UNC79: variants seen among roughly 807,000 people sequenced by gnomAD.
The protein encoded by UNC79 is protein unc-79 homolog.
In UNC79, 37 loss-of-function variants were observed where a neutral mutation model predicts 283.1. The ratio of observed to expected loss-of-function variants is 0.13; its 90% CI spans 0.10 to 0.17. The LOEUF is 0.17. Among genes scored for constraint, UNC79 ranks in the 10% least tolerant of loss-of-function variants. UNC79 has a pLI of 1.00. For missense variants in UNC79, 2,272 were observed against 3,211.1 expected (o/e 0.71, Z 7.07); for synonymous variants, 1,107 against 1,200.2 (o/e 0.92, Z 1.61).
At chr14:93,510,069 A>T (rs915508928) in intron 7 of UNC79, among the ~76,000 whole-genome samples, 1 of 152,158 alleles carries the variant, frequency 6.6e-6, no homozygotes, top group Non-Finnish European at 1.5e-5. Context: ...GCCACAGAGG[A>T]TTATGGCTTG....
At chr14:93,628,680 A>G (rs1001799819) in intron 30 of UNC79, among the ~76,000 whole-genome samples, 3 of 152,188 alleles carry the variant, frequency 2.0e-5, no homozygotes, top group African/African-American at 7.2e-5. Context: ...ATAGCCTGAC[A>G]TTTTCTTCCC....
upstream of UNC79, among the ~76,000 whole-genome samples, chr14:93,426,350 C>A (rs2140080709): frequency 6.6e-6 from 1 of 151,354 alleles, no homozygotes; most frequent in Admixed American, 6.6e-5. Flanking sequence ...GTTTGTACTT[C>A]TTTTTATATC....
intron 1 of UNC79, among the ~76,000 whole-genome samples, chr14:93,397,913 A>C (rs2055031093): frequency 6.6e-6 from 1 of 152,110 alleles, no homozygotes; most frequent in Non-Finnish European, 1.5e-5. Context: ...AAAAACCCAC[A>C]AAATTTTGTT....
At chr14:93,662,294 C>T (rs1033056687) in intron 39 of UNC79, among the ~76,000 whole-genome samples, 2 of 152,104 alleles carry the variant, frequency 1.3e-5, no homozygotes, top group Non-Finnish European at 2.9e-5. Flanking sequence ...ACTGCAAACC[C>T]CACACTCTTG....
At chr14:93,495,436 A>G (rs1463218119) in intron 5 of UNC79, among the ~76,000 whole-genome samples, 1 of 152,212 alleles carries the variant, frequency 6.6e-6, no homozygotes, top group Non-Finnish European at 1.5e-5. Context: ...ATCACTTCCC[A>G]TTAGGTTTCT....
chr14:93,468,838 A>G (rs2057353454), intron 2 of UNC79, among the ~76,000 whole-genome samples: 1 of 152,112 alleles, frequency 6.6e-6, no homozygotes, highest in Non-Finnish European at 1.5e-5. Flanking sequence ...AGATTCATAC[A>G]TTTCATACTT....
chr14:93,663,423 T>C (rs952812455), intron 40 of UNC79, among the ~76,000 whole-genome samples: 3 of 152,192 alleles, frequency 2.0e-5, no homozygotes, highest in Non-Finnish European at 4.4e-5. Flanking sequence ...ACCCTTTCAA[T>C]TTCCTAATTT....
intron 9 of UNC79, 22 bp from the exon 10 acceptor site, chr14:93,529,264 T>C: frequency 6.2e-7 from 1 of 1,612,792 alleles, no homozygotes. Context: ...AGCTCAAAAA[T>C]GAATTTTGTT....
chr14:93,647,177 C>T (rs970973997), intron 35 of UNC79, among the ~76,000 whole-genome samples: 9 of 152,170 alleles, frequency 5.9e-5, no homozygotes, highest in Admixed American at 2.0e-4. Context: ...ACTTATATAA[C>T]AGTAATTCAT....
intron 41 of UNC79, among the ~76,000 whole-genome samples, chr14:93,678,881 A>C (rs1207222817): frequency 6.6e-6 from 1 of 152,296 alleles, no homozygotes; most frequent in East Asian, 1.9e-4. Context: ...TGAATAGAAA[A>C]ATGTCATTTC....
chr14:93,662,459 T>C (rs2071698513), intron 39 of UNC79, 145 bp from the exon 43 acceptor site: 2 of 542,122 alleles, frequency 3.7e-6, no homozygotes, highest in South Asian at 3.3e-5. Flanking sequence ...ATTAGACCAA[T>C]GGGGTTGCTA....
At chr14:93,401,574 T>C (rs549294405) in intron 1 of UNC79, among the ~76,000 whole-genome samples, 2 of 152,324 alleles carry the variant, frequency 1.3e-5, no homozygotes, top group South Asian at 4.1e-4. Flanking sequence ...CCACATTTAC[T>C]GCTTGAAGTC....
intron 16 of UNC79, 117 bp downstream of exon 16, chr14:93,572,933 C>T: frequency 7.4e-7 from 1 of 1,356,882 alleles, no homozygotes. Context: ...CCATGTTTGC[C>T]AAGAAAGTGT....
At chr14:93,613,298 A>T (rs909677895) in intron 27 of UNC79, among the ~76,000 whole-genome samples, 1 of 149,912 alleles carries the variant, frequency 6.7e-6, no homozygotes, top group African/African-American at 2.5e-5. Context: ...GAGAGACTGC[A>T]TGCGTGTGTG....
At chr14:93,587,648 A>G (rs1277325187) in intron 22 of UNC79, among the ~76,000 whole-genome samples, 1 of 152,174 alleles carries the variant, frequency 6.6e-6, no homozygotes, top group Non-Finnish European at 1.5e-5. Context: ...AAGGGGGTGA[A>G]TCCTATATAG....
chr14:93,685,958 A>G (rs2074208064), intron 42 of UNC79, among the ~76,000 whole-genome samples: 1 of 152,136 alleles, frequency 6.6e-6, no homozygotes, highest in Non-Finnish European at 1.5e-5. Context: ...TCTTTCTTTT[A>G]TTTATCCCCT....
At chr14:93,704,096 G>A (rs2075710829) in intron 47 of UNC79, among the ~76,000 whole-genome samples, 1 of 152,182 alleles carries the variant, frequency 6.6e-6, no homozygotes, top group African/African-American at 2.4e-5. Flanking sequence ...CTGCTTGGCT[G>A]TGTGTGCTCC....
intron 7 of UNC79, among the ~76,000 whole-genome samples, chr14:93,504,884 T>C (rs2059453242): frequency 6.6e-6 from 1 of 152,088 alleles, no homozygotes; most frequent in African/African-American, 2.4e-5. Flanking sequence ...CTCACTGCTA[T>C]GCTGATTCCT....
chr14:93,539,223 T>TTA (rs137947236), intron 12 of UNC79, among the ~76,000 whole-genome samples: 5 of 147,050 alleles, frequency 3.4e-5, no homozygotes, highest in South Asian at 2.2e-4. Context: ...TTTTTTTTTT[T>TTA]AATTAAATAA....
Sources: allele counts gnomAD v4.1 joint callset (sites outside exome capture counted in the v4.1 genomes callset), GRCh38; gene constraint gnomAD v4.1.1; transcripts MANE v1.5; gene names NCBI Gene and HGNC (gene_info 2026-07-23, HGNC 2026-07-21).